SEC11A: variants seen among roughly 807,000 people sequenced by gnomAD.
SEC11A encodes the protein SEC11 homolog A, signal peptidase complex subunit.
Under a neutral mutation model 25.6 loss-of-function variants are expected in SEC11A, and 14 were observed. The ratio of observed to expected loss-of-function variants is 0.55; its 90% CI spans 0.36 to 0.85. The LOEUF (loss-of-function observed/expected upper bound fraction) is 0.85, where lower values mean the gene tolerates loss of function less well. Among genes scored for constraint, SEC11A ranks in the 40% least tolerant of loss-of-function variants. The probability of loss-of-function intolerance (pLI) is 0.01; values close to 1 mark genes in which losing one functional copy is unlikely to be tolerated. For synonymous variants in SEC11A, 83 were observed against 76.4 expected, an observed-to-expected ratio of 1.09 and a Z score of -0.45; for missense variants, 153 against 222.9, an observed-to-expected ratio of 0.69 and a Z score of 2.00.
intron 1 of SEC11A, among the ~76,000 whole-genome samples, chr15:84,707,959 G>A (rs1009729882): frequency 2.0e-5 from 3 of 152,092 alleles, no homozygotes; most frequent in Non-Finnish European, 4.4e-5. Context: ...TGTAATCCCA[G>A]CACTTTGGGA....
intron 1 of SEC11A, among the ~76,000 whole-genome samples, chr15:84,710,813 G>A (rs1898238030): frequency 6.6e-6 from 1 of 152,022 alleles, no homozygotes; most frequent in South Asian, 2.1e-4. Context: ...AATGTGCATT[G>A]AAAAACACAC....
chr15:84,700,542 C>T (rs1201978826), intron 1 of SEC11A, among the ~76,000 whole-genome samples: 2 of 120,804 alleles, frequency 1.7e-5, no homozygotes, highest in African/African-American at 3.3e-5. Context: ...TGCAGTGAGC[C>T]GAGATCACAC....
chr15:84,688,946 A>T (rs536783034), intron 2 of SEC11A, among the ~76,000 whole-genome samples: 8 of 151,382 alleles, frequency 5.3e-5, no homozygotes, highest in African/African-American at 1.9e-4. Context: ...CAGAAGAATC[A>T]CTTGAACCCA....
At chr15:84,700,041 T>C (rs1408721427) in intron 1 of SEC11A, among the ~76,000 whole-genome samples, 1 of 151,948 alleles carries the variant, frequency 6.6e-6, no homozygotes, top group Non-Finnish European at 1.5e-5. Context: ...TAAAGGCCGC[T>C]CTGGATCCAT....
chr15:84,673,895 G>A (rs1373581460), intron 4 of SEC11A: 1 of 152,028 alleles, frequency 6.6e-6, no homozygotes, highest in Non-Finnish European at 1.5e-5. Context: ...GCGACAGGGT[G>A]AGACTCTGTC....
intron 1 of SEC11A, among the ~76,000 whole-genome samples, chr15:84,708,205 CAAAAAAAAAAAAAAA>C (rs71132699): frequency 1.4e-4 from 5 of 35,426 alleles, no homozygotes; most frequent in Non-Finnish European, 2.0e-4. Flanking sequence ...GGCTCTGTCT[CAAAAAAAAAAAAAAA>C]AAAAAAAAAA....
chr15:84,677,323 T>C (rs942894392), intron 4 of SEC11A, among the ~76,000 whole-genome samples: 3 of 152,034 alleles, frequency 2.0e-5, no homozygotes, highest in Non-Finnish European at 4.4e-5. Flanking sequence ...GCTGTTCATG[T>C]CTTAGGTTTT....
intron 3 of SEC11A, among the ~76,000 whole-genome samples, chr15:84,682,145 G>T (rs1261487328): frequency 6.6e-6 from 1 of 152,048 alleles, no homozygotes; most frequent in Non-Finnish European, 1.5e-5. Context: ...CACTGGGACA[G>T]GGATGATAGA....
intron 3 of SEC11A, among the ~76,000 whole-genome samples, chr15:84,682,948 A>G (rs1253492161): frequency 6.6e-6 from 1 of 152,146 alleles, no homozygotes; most frequent in Non-Finnish European, 1.5e-5. Context: ...TCTATGGGCT[A>G]ATATCCACTT....
chr15:84,680,635 G>A, intron 4 of SEC11A, 78 bp downstream of exon 4: 1 of 1,384,574 alleles, frequency 7.2e-7, no homozygotes, highest in Non-Finnish European at 9.7e-7. Context: ...ATTCAACTGT[G>A]TATGATCAAA....
In SEC11A at chr15:84,687,364, A is replaced by G. The variant is rs766411110; in HGVS notation, c.311+261T>C. The stretch of plus-strand genomic sequence containing the variant: ...TTATGTCATAGTTTTTTGGAATTAT[A>G]TACAGAGTCACTGACAGGTTGGGAA... On this transcript the variant is annotated intron_variant, in intron 3 of 5. Transcript: ENST00000268220. 1.1e-3 allele frequency among the ~76,000 whole-genome samples: 164 copies of G among 152,236 alleles called. 1 individual carries two copies. The highest frequency in any genetic ancestry group is 1.8e-3 in the Non-Finnish European group (122 of 68,034).
At chr15:84,699,798 A>T (rs1897875701) in intron 1 of SEC11A, among the ~76,000 whole-genome samples, 1 of 151,956 alleles carries the variant, frequency 6.6e-6, no homozygotes, top group Non-Finnish European at 1.5e-5. Context: ...ACACACACAA[A>T]AAAAAGAACT....
chr15:84,675,778 T>A (rs1481922679), intron 4 of SEC11A, among the ~76,000 whole-genome samples: 1 of 152,240 alleles, frequency 6.6e-6, no homozygotes, highest in East Asian at 1.9e-4. Flanking sequence ...TAGAAAGAAA[T>A]CACCTTTATT....
At chr15:84,712,532 C>T (rs1248787022) in intron 1 of SEC11A, among the ~76,000 whole-genome samples, 1 of 150,404 alleles carries the variant, frequency 6.6e-6, no homozygotes, top group Non-Finnish European at 1.5e-5. Context: ...ACTGCAACCT[C>T]TGCCTCCCAG....
intron 4 of SEC11A, among the ~76,000 whole-genome samples, chr15:84,680,231 G>A (rs1035796794): frequency 6.6e-5 from 10 of 151,828 alleles, no homozygotes; most frequent in Non-Finnish European, 1.3e-4. Flanking sequence ...AACTCAGGAG[G>A]CGGAGGCTGC....
chr15:84,703,488 G>A (rs1898008701), intron 1 of SEC11A, among the ~76,000 whole-genome samples: 1 of 152,118 alleles, frequency 6.6e-6, no homozygotes, highest in Admixed American at 6.6e-5. Context: ...GCTGACTAAG[G>A]AACACTTTAG....
Position 84,715,972 on chromosome 15 carries a change from C to G in SEC11A, c.51+53G>C. On this transcript the variant is annotated intron_variant, in intron 1 of 5. Transcript: ENST00000268220. ...TGGGGTCCGCCGGGCCCCGCAGCAG[C>G]AGCCTCGAAGGGACAAGAAGAGCCA... The G allele has an allele frequency of 1.9e-6, 3 of 1,569,956 alleles. No individual in the cohort carries two copies. The South Asian group carries it at 3.4e-5, about 18-fold the overall frequency.
At chr15:84,703,863 C>G (rs1178146724) in intron 1 of SEC11A, among the ~76,000 whole-genome samples, 1 of 152,150 alleles carries the variant, frequency 6.6e-6, no homozygotes, top group East Asian at 1.9e-4. Context: ...CACAGAATTA[C>G]CTCAGCAGAA....
chr15:84,707,418 T>C (rs1898128782), intron 1 of SEC11A, among the ~76,000 whole-genome samples: 1 of 152,110 alleles, frequency 6.6e-6, no homozygotes, highest in Non-Finnish European at 1.5e-5. Flanking sequence ...TCTCTTGGCC[T>C]CATGATCCAC....
Sources: allele counts gnomAD v4.1 joint callset (sites outside exome capture counted in the v4.1 genomes callset), GRCh38; gene constraint gnomAD v4.1.1; transcripts MANE v1.5; gene names NCBI Gene and HGNC (gene_info 2026-07-23, HGNC 2026-07-21).